CARMIL3: variants seen among roughly 807,000 people sequenced by gnomAD.
CARMIL3 encodes the protein capping protein, Arp2/3 and myosin-I linker protein 3.
CARMIL3 carries 88 observed loss-of-function variants against 180.8 expected under a neutral mutation model. The observed-to-expected ratio is 0.49, with a 90% confidence interval of 0.41 to 0.58. CARMIL3 has a LOEUF of 0.58. Ranked by LOEUF, CARMIL3 falls within the 20% of genes least tolerant of loss-of-function variation. The probability of loss-of-function intolerance (pLI) is 0.00; values close to 1 mark genes in which losing one functional copy is unlikely to be tolerated. For synonymous variants in CARMIL3, 696 were observed against 714.5 expected (o/e 0.97, Z 0.41); for missense variants, 1,548 against 1,787.0 (o/e 0.87, Z 2.41).
chr14:24,062,420 CAG>C, intron 27 of CARMIL3, 58 bp from the exon 28 acceptor site: 3 of 1,464,028 alleles, frequency 2.0e-6, no homozygotes, highest in Middle Eastern at 1.7e-4. Context: ...GGGAGTGCCT[CAG>C]GGGCCATGCG....
At position 24,059,940 on chromosome 14, in the gene CARMIL3, C is replaced by T. The variant is rs1304027944; in HGVS notation, c.1869-30C>T. On this transcript the variant is annotated intron_variant, in intron 22 of 39. Transcript: ENST00000342740. This position sits in a 1 kb window ranked among gnomAD's most constrained non-coding sequence, Gnocchi z 6.3. ...CAGGGGCCTCCCATCCTCACCTGTT[C>T]CCACCCAGCTGTGCCCCTGTGTCCC... The T allele has an allele frequency of 3.1e-6, 5 of 1,612,120 alleles. 1 individual carries two copies. In the South Asian group the frequency reaches 5.5e-5, roughly 18 times the overall value.
In CARMIL3 at chr14:24,055,106, T is replaced by C; in HGVS notation, c.501T>C (p.Asn167=). ...SETYAALCDY[N]GLHCREEVQW... ...CCTACGCTGCTCTGTGTGACTACAA[T>C]GGGCTACACTGCCGTGAGGAGGTTC... is the stretch of plus-strand genomic sequence containing the variant. Residue 167 remains asparagine, a synonymous_variant, in exon 7 of 40, where the codon AAT becomes AAC. Coordinates refer to ENST00000342740, the MANE Select transcript of CARMIL3 (RefSeq NM_138360.4). The C allele has an allele frequency of 5.6e-6, 9 of 1,613,872 alleles. No individual in the cohort carries two copies. The highest frequency in any genetic ancestry group is 7.6e-6 in the Non-Finnish European group (9 of 1,180,014).
At position 24,054,290 on chromosome 14, in the gene CARMIL3, A is replaced by G; in HGVS notation, c.235A>G (p.Ser79Gly). Residue 79 changes from serine to glycine, a missense_variant, in exon 4 of 40, where the codon AGT (serine) becomes GGT (glycine). By Grantham distance (56) the Ser-to-Gly change is moderately conservative. Around this residue, in one of 4 missense-constraint regions of CARMIL3, gnomAD observed 578 missense variants for 666.5 expected, o/e 0.87. Coordinates refer to ENST00000342740, the MANE Select transcript of CARMIL3 (RefSeq NM_138360.4). This position sits in a 1 kb window ranked among gnomAD's most constrained non-coding sequence, Gnocchi z 5.1. Reference sequence around the variant, plus strand: ...GGAGATCCGTGCCTTCAACACGCTCAGTCAGAATCAGGTGAGTACCAGGGC... The same window carrying G: ...GGAGATCCGTGCCTTCAACACGCTCGGTCAGAATCAGGTGAGTACCAGGGC... ...VLEIRAFNTL[S>G]QNQILVETER... 1 of 1,614,202 alleles carries G rather than the reference A, an allele frequency of 6.2e-7. No individual in the cohort carries two copies. Among genetic ancestry groups the G allele is most frequent in the Non-Finnish European group, 8.5e-7 (1 of 1,180,030 alleles).
rs779099346 is a variant in CARMIL3 at position 24,059,774 on chromosome 14, T to C, written c.1868+42T>C. ...CCTGCCCTGATCCAAGTCCCCAGCC[T>C]CCCTGTGCCTGGATCAGGCCTGAAC... On this transcript the variant is annotated intron_variant, in intron 22 of 39. Transcript: ENST00000342740. The surrounding 1 kb of genome is among the most constrained non-coding windows in gnomAD (Gnocchi z 6.3). 6.2e-6 allele frequency: 10 copies of C among 1,601,530 alleles called. No individual in the cohort carries two copies. The highest frequency in any genetic ancestry group is 8.6e-6 in the Non-Finnish European group (10 of 1,169,378).
In CARMIL3 at chr14:24,058,959, T is replaced by G; in HGVS notation, c.1544T>G (p.Leu515Trp). Residue 515 changes from leucine to tryptophan, a missense_variant, in exon 19 of 40, where the codon TTG becomes TGG. Leu to Trp is a moderately conservative substitution (Grantham distance 61). Around this residue, in one of 4 missense-constraint regions of CARMIL3, gnomAD observed 578 missense variants for 666.5 expected, o/e 0.87. Transcript: ENST00000342740. This position sits in a 1 kb window ranked among gnomAD's most constrained non-coding sequence, Gnocchi z 6.4. ...GKNKSLKHLF[L>W]GKNFNVKAKT... is the part of the protein sequence containing the mutation. ...AACAAGTCCCTCAAGCACCTGTTTTTGGGCAAGAACTTCAATGTCAAGGCC... is the reference window on the plus strand; with the variant it reads ...AACAAGTCCCTCAAGCACCTGTTTTGGGGCAAGAACTTCAATGTCAAGGCC... The G allele has an allele frequency of 6.2e-7, 1 of 1,614,220 alleles. No individual in the cohort carries two copies. Among genetic ancestry groups the G allele is most frequent in the Non-Finnish European group, 8.5e-7 (1 of 1,180,034 alleles).
intron 32 of CARMIL3, 43 bp downstream of exon 32, chr14:24,064,389 GC>G: frequency 6.9e-7 from 1 of 1,440,740 alleles, no homozygotes; most frequent in Admixed American, 1.9e-5. Flanking sequence ...AGGCCCCAAG[GC>G]CCTAGAAGGG....
rs577392989 is a variant in CARMIL3 at position 24,063,454 on chromosome 14, A to C, written c.2900A>C (p.His967Pro). ...GAAGGTCTATCTGAGCTGCCCACTC[A>C]TGGTTACAAACTAAGGCATCAAACA... ...SWEGLSELPT[H>P]GYKLRHQTQG... Residue 967 changes from histidine to proline, a missense_variant, in exon 31 of 40, where the codon CAT becomes CCT. His to Pro is a moderately conservative substitution (Grantham distance 77). Transcript: ENST00000342740. The C allele has an allele frequency of 1.8e-5, 29 of 1,613,850 alleles. No individual in the cohort carries two copies. In the Middle Eastern group the frequency reaches 4.9e-4, roughly 28 times the overall value.
At chr14:24,055,360 A>C in intron 8 of CARMIL3, 50 bp downstream of exon 8, 1 of 1,600,496 alleles carries the variant, frequency 6.2e-7, no homozygotes, top group Non-Finnish European at 8.6e-7. Flanking sequence ...AATTCAGCCC[A>C]ACCCCAGCCC....
chr14:24,064,401 C>A, intron 32 of CARMIL3, 55 bp downstream of exon 32: 1 of 1,306,154 alleles, frequency 7.7e-7, no homozygotes, highest in Non-Finnish European at 1.1e-6. Flanking sequence ...CCTAGAAGGG[C>A]TGCTGTGTCC....
chr14:24,059,090 G>C lies in CARMIL3; in HGVS notation c.1572-45G>C. 6.3e-7 allele frequency: 1 copy of C among 1,585,224 alleles called. No homozygotes were observed. Among genetic ancestry groups the C allele is most frequent in the East Asian group, 2.3e-5 (1 of 43,352 alleles). ...CACCTCTCTCCTCCTCCAATAGCAT[G>C]ACCCCAGCCCTTCCCCTCCTACTCT... On this transcript the variant is annotated intron_variant, in intron 19 of 39. Transcript: ENST00000342740. This position sits in a 1 kb window ranked among gnomAD's most constrained non-coding sequence, Gnocchi z 6.3.
At chr14:24,066,273 A>G (rs1261410607) in intron 34 of CARMIL3, 125 bp from the exon 35 acceptor site, 1 of 1,158,358 alleles carries the variant, frequency 8.6e-7, no homozygotes, top group Admixed American at 2.3e-5. Context: ...TTTGGGAAAC[A>G]GTTTTAAGTG....
chr14:24,063,452 T>A lies in CARMIL3; in HGVS notation c.2898T>A (p.Thr966=), dbSNP rs2035753709. The part of the protein sequence containing the change: ...GSWEGLSELP[T]HGYKLRHQTQ... ...GGGAAGGTCTATCTGAGCTGCCCAC[T>A]CATGGTTACAAACTAAGGCATCAAA... Residue 966 remains threonine, a synonymous_variant, in exon 31 of 40, where the codon ACT becomes ACA. Coordinates refer to ENST00000342740, the MANE Select transcript of CARMIL3 (RefSeq NM_138360.4). The A allele has an allele frequency of 6.2e-7, 1 of 1,613,714 alleles. No individual in the cohort carries two copies. The highest frequency in any genetic ancestry group is 1.7e-5 in the Admixed American group (1 of 59,996).
chr14:24,064,108 A>AG (rs2035760703), intron 31 of CARMIL3, 138 bp from the exon 32 acceptor site: 1 of 549,048 alleles, frequency 1.8e-6, no homozygotes, highest in East Asian at 4.2e-5. Flanking sequence ...AAAAAAAAAA[A>AG]AAAGAAAAAG....
chr14:24,065,407 C>A, intron 33 of CARMIL3, 134 bp downstream of exon 33: 1 of 1,084,812 alleles, frequency 9.2e-7, no homozygotes, highest in Non-Finnish European at 1.3e-6. Flanking sequence ...TTTCAATTCT[C>A]CTCTCCTTGA....
chr14:24,069,321 C>G, intron 39 of CARMIL3, 58 bp from the exon 40 acceptor site: 1 of 1,613,792 alleles, frequency 6.2e-7, no homozygotes, highest in East Asian at 2.2e-5. Context: ...AGCCCCAACA[C>G]CAGGTGGCTG....
Position 24,053,779 on chromosome 14 carries a change from C to T in CARMIL3, c.111C>T (p.Pro37=). The T allele has an allele frequency of 6.2e-7, 1 of 1,613,476 alleles. No individual in the cohort carries two copies. The highest frequency in any genetic ancestry group is 8.5e-7 in the Non-Finnish European group (1 of 1,179,708). ...QQHHVKLETK[P]KKFEDRVLAL... ...ATCATGTGAAGTTGGAGACAAAGCC[C>T]AAGAAGTTTGAGGACCGAGTGCTGG... The change falls in exon 2 of 40, where the codon CCC becomes CCT. Residue 37 remains proline, a synonymous_variant. Transcript: ENST00000342740.
chr14:24,056,425 C>A (rs4982851), intron 11 of CARMIL3, 32 bp downstream of exon 11: 1,405,420 of 1,597,056 alleles, frequency 0.88, 619,952 homozygotes, highest in East Asian at 1. Context: ...TGTCCCCATC[C>A]CAATGCAGAC....
chr14:24,063,359 G>A lies in CARMIL3; in HGVS notation c.2805G>A (p.Gly935=), dbSNP rs758946142. The A allele has an allele frequency of 5.0e-6, 8 of 1,607,874 alleles. No homozygotes were observed. The highest frequency in any genetic ancestry group is 2.2e-5 in the East Asian group (1 of 44,740). ...CTCAGGACATGGAAAGCCAACTGGG[G>A]AATCTGGGGATCCCCCCTGGCTGGT... ...GSPQDMESQL[G]NLGIPPGWFS... is the part of the protein sequence containing the mutation. Residue 935 remains glycine (G), a synonymous_variant, in exon 31 of 40, where the codon GGG becomes GGA. Coordinates refer to ENST00000342740, the MANE Select transcript of CARMIL3 (RefSeq NM_138360.4).
At chr14:24,060,502 C>T in intron 24 of CARMIL3, 126 bp from the exon 25 acceptor site, 1 of 1,416,272 alleles carries the variant, frequency 7.1e-7, no homozygotes, top group Non-Finnish European at 9.6e-7. Context: ...GCAATGGGGA[C>T]CAGGCCAGCC....
Sources: allele counts gnomAD v4.1 joint callset, GRCh38; gene constraint gnomAD v4.1.1; regional missense constraint gnomAD v4.1.1; non-coding constraint Gnocchi (gnomAD v3.1); transcripts MANE v1.5; gene names NCBI Gene and HGNC (gene_info 2026-07-23, HGNC 2026-07-21).